OR9Q1: variants seen among roughly 807,000 people sequenced by gnomAD.
OR9Q1 encodes the protein olfactory receptor 9Q1.
For synonymous variants in OR9Q1, 153 were observed against 148.6 expected, an observed-to-expected ratio of 1.03 and a Z score of -0.22; for missense variants, 374 against 378.8, an observed-to-expected ratio of 0.99 and a Z score of 0.11.
chr11:58,150,012 A>G (rs1436428525), intron 2 of OR9Q1, among the ~76,000 whole-genome samples: 3 of 152,176 alleles, frequency 2.0e-5, no homozygotes, highest in African/African-American at 7.2e-5. Flanking sequence ...ATCATATGGT[A>G]AATCTATGCT....
intron 2 of OR9Q1, among the ~76,000 whole-genome samples, chr11:58,093,412 T>C (rs1055357158): frequency 6.6e-6 from 1 of 151,922 alleles, no homozygotes; most frequent in African/African-American, 2.4e-5. Flanking sequence ...AACAAGCATG[T>C]GAAAAAATGT....
At chr11:58,058,143 G>A (rs184842212) in intron 2 of OR9Q1, among the ~76,000 whole-genome samples, 2 of 152,306 alleles carry the variant, frequency 1.3e-5, no homozygotes, top group African/African-American at 4.8e-5. Flanking sequence ...AGAAAGCCTG[G>A]CTTCCCATGC....
At chr11:58,042,285 C>T (rs139566519) in intron 1 of OR9Q1, among the ~76,000 whole-genome samples, 4,030 of 152,058 alleles carry the variant, frequency 0.027, 74 homozygotes, top group East Asian at 0.061. Flanking sequence ...TTAGGTCTAA[C>T]GTTTAAGTCT....
intron 2 of OR9Q1, chr11:58,108,972 C>T (rs61732261): frequency 5.4e-4 from 215 of 399,690 alleles, no homozygotes; most frequent in African/African-American, 3.7e-3. Context: ...ACCCACCTGC[C>T]GACTTCACCC....
chr11:58,032,314 A>G (rs1017253630), intron 1 of OR9Q1, among the ~76,000 whole-genome samples: 1 of 151,846 alleles, frequency 6.6e-6, no homozygotes, highest in Non-Finnish European at 1.5e-5. Flanking sequence ...AATCCTAAGC[A>G]AAAAAAACCA....
chr11:58,077,542 A>T (rs565176648), intron 2 of OR9Q1: 1 of 152,340 alleles, frequency 6.6e-6, no homozygotes, highest in South Asian at 2.1e-4. Flanking sequence ...AAGGAAGGTC[A>T]TAGCAGTTAG....
In OR9Q1 at chr11:58,180,685, T is replaced by G. The variant is rs1403580703; in HGVS notation, c.*308T>G. 4 of 229,198 alleles carry G rather than the reference T, an allele frequency of 1.7e-5. No homozygotes were observed. Among genetic ancestry groups the G allele is most frequent in the Non-Finnish European group, 3.7e-5 (4 of 108,400 alleles). The allele number at this position is 229,198 out of a possible 1,614,324, so 14.2% of individuals were successfully genotyped here. ...ATAAGAGTAATTTTTTTTGCAAAATTTTTAATGAAAGATTTTCATCATATA... is the reference window on the plus strand; with the variant it reads ...ATAAGAGTAATTTTTTTTGCAAAATGTTTAATGAAAGATTTTCATCATATA... On this transcript the variant is annotated 3_prime_UTR_variant, in exon 3 of 3. Transcript: ENST00000335397.
intron 2 of OR9Q1, among the ~76,000 whole-genome samples, chr11:58,105,817 A>AC (rs1490870776): frequency 2.1e-5 from 1 of 48,208 alleles, no homozygotes; most frequent in Non-Finnish European, 4.6e-5. Context: ...TTTAAGGCTG[A>AC]CTAATATTCT....
At chr11:58,148,460 T>G (rs1465834908) in intron 2 of OR9Q1, among the ~76,000 whole-genome samples, 2 of 152,154 alleles carry the variant, frequency 1.3e-5, no homozygotes, top group Non-Finnish European at 2.9e-5. Flanking sequence ...CCAGATTTCT[T>G]TTTTTCCTCC....
At chr11:58,154,915 A>G (rs1292253237) in intron 2 of OR9Q1, among the ~76,000 whole-genome samples, 2 of 152,158 alleles carry the variant, frequency 1.3e-5, no homozygotes, top group East Asian at 3.8e-4. Context: ...CTTGCTTCTC[A>G]TTGCTTAGAT....
chr11:58,151,997 G>T (rs1854357762), intron 2 of OR9Q1, among the ~76,000 whole-genome samples: 1 of 152,158 alleles, frequency 6.6e-6, no homozygotes, highest in Admixed American at 6.5e-5. Flanking sequence ...GAGTTAACCA[G>T]ACCATTGTTG....
chr11:58,067,249 G>A (rs1259225322), intron 2 of OR9Q1, among the ~76,000 whole-genome samples: 1 of 151,922 alleles, frequency 6.6e-6, no homozygotes, highest in Non-Finnish European at 1.5e-5. Flanking sequence ...TGTTAGCCCG[G>A]GTGGTCTCCA....
chr11:58,137,669 A>G (rs1191266747), intron 2 of OR9Q1, among the ~76,000 whole-genome samples: 1 of 152,140 alleles, frequency 6.6e-6, no homozygotes, highest in Non-Finnish European at 1.5e-5. Context: ...GGCTGGGTAC[A>G]TGACCCTGGA....
At chr11:58,165,414 C>T (rs1468876872) in intron 2 of OR9Q1, among the ~76,000 whole-genome samples, 1 of 152,188 alleles carries the variant, frequency 6.6e-6, no homozygotes, top group African/African-American at 2.4e-5. Flanking sequence ...GTTTAGGCAA[C>T]AGTCTCTCCC....
At chr11:58,164,419 C>T (rs556963548) in intron 2 of OR9Q1, among the ~76,000 whole-genome samples, 38 of 152,122 alleles carry the variant, frequency 2.5e-4, no homozygotes, top group Middle Eastern at 3.4e-3. Flanking sequence ...GTTGCCCATG[C>T]GGTGCTCTTT....
intron 2 of OR9Q1, among the ~76,000 whole-genome samples, chr11:58,069,590 C>G (rs1853466412): frequency 6.6e-6 from 1 of 152,148 alleles, no homozygotes. Flanking sequence ...ACTTTCTCCT[C>G]AGGCTGGGCG....
intron 1 of OR9Q1, among the ~76,000 whole-genome samples, chr11:58,048,281 A>G (rs1370814238): frequency 6.6e-6 from 1 of 152,214 alleles, no homozygotes; most frequent in Non-Finnish European, 1.5e-5. Flanking sequence ...AAAAGCAGAT[A>G]TGGATTTGCG....
At chr11:58,086,443 A>G (rs946897974) in intron 2 of OR9Q1, among the ~76,000 whole-genome samples, 4 of 151,932 alleles carry the variant, frequency 2.6e-5, no homozygotes, top group Admixed American at 6.6e-5. Flanking sequence ...GGAAAACAGT[A>G]TCAGAAGTTT....
At chr11:58,095,297 A>G (rs972569183) in intron 2 of OR9Q1, among the ~76,000 whole-genome samples, 8 of 152,224 alleles carry the variant, frequency 5.3e-5, no homozygotes, top group Non-Finnish European at 1.2e-4. Context: ...CTGGTACACC[A>G]GGTGGCTGCT....
Sources: allele counts gnomAD v4.1 joint callset (sites outside exome capture counted in the v4.1 genomes callset), GRCh38; gene constraint gnomAD v4.1.1; transcripts MANE v1.5; gene names NCBI Gene and HGNC (gene_info 2026-07-23, HGNC 2026-07-21).